CDKAL1: variants seen among roughly 807,000 people sequenced by gnomAD.
CDKAL1 encodes the protein CDKAL1 threonylcarbamoyladenosine tRNA methylthiotransferase, also known as threonylcarbamoyladenosine tRNA methylthiotransferase.
Under a neutral mutation model 68.2 loss-of-function variants are expected in CDKAL1, and 32 were observed. The observed-to-expected ratio is 0.47, with a 90% CI of 0.35 to 0.63. The LOEUF (loss-of-function observed/expected upper bound fraction) is 0.63, where lower values mean the gene tolerates loss of function less well. Among genes scored for constraint, CDKAL1 ranks in the 30% least tolerant of loss-of-function variants. The probability of loss-of-function intolerance (pLI) is 0.00; values close to 1 mark genes in which losing one functional copy is unlikely to be tolerated. For synonymous variants in CDKAL1, 234 were observed against 244.3 expected, an observed-to-expected ratio of 0.96 and a Z score of 0.39; for missense variants, 606 against 696.7, an observed-to-expected ratio of 0.87 and a Z score of 1.47.
At chr6:21,211,998 C>T (rs571787402) in intron 15 of CDKAL1, among the ~76,000 whole-genome samples, 5 of 152,070 alleles carry the variant, frequency 3.3e-5, no homozygotes, top group Non-Finnish European at 7.4e-5. Context: ...TGGGCTCAAG[C>T]AATGCTCCAG....
intron 5 of CDKAL1, among the ~76,000 whole-genome samples, chr6:20,670,494 C>A (rs138018555): frequency 2.0e-5 from 3 of 152,128 alleles, no homozygotes; most frequent in African/African-American, 7.2e-5. Context: ...TGAGCCCACC[C>A]GTCTCCCATT....
In CDKAL1 at chr6:20,700,355, CAAAAA is replaced by C. The variant is rs111802988; in HGVS notation, c.372-39151_372-39147del. 3.0e-3 allele frequency among the ~76,000 whole-genome samples: 387 copies of C among 130,044 alleles called. 3 individuals carry two copies. The highest frequency in any genetic ancestry group is 9.0e-3 in the African/African-American group (326 of 36,370). 85.3% of individuals were successfully genotyped at this position (130,044 alleles called of 152,430 possible). Reference sequence around the variant, plus strand: ...GGGCAACAAGAGTGAAACTCCATCTCAAAAAAAAAAAAAAAAATAAATAAAAGTTA... The same window carrying C: ...GGGCAACAAGAGTGAAACTCCATCTCAAAAAAAAAAAATAAATAAAAGTTA... On this transcript the variant is annotated intron_variant, in intron 5 of 15. Transcript: ENST00000274695.
chr6:20,860,660 C>A (rs1488339108), intron 9 of CDKAL1, among the ~76,000 whole-genome samples: 5 of 151,840 alleles, frequency 3.3e-5, no homozygotes, highest in African/African-American at 7.3e-5. Flanking sequence ...CCCTTCCCTA[C>A]TAAAAATACA....
intron 6 of CDKAL1, among the ~76,000 whole-genome samples, chr6:20,752,448 A>G (rs1017999184): frequency 7.2e-5 from 11 of 152,158 alleles, no homozygotes; most frequent in Non-Finnish European, 1.6e-4. Context: ...CAGGGTCTCC[A>G]TCTTCATCAG....
At chr6:21,175,733 G>A (rs913483106) in intron 13 of CDKAL1, among the ~76,000 whole-genome samples, 1 of 152,142 alleles carries the variant, frequency 6.6e-6, no homozygotes, top group Non-Finnish European at 1.5e-5. Flanking sequence ...TGACTTGAAA[G>A]GTGTTGTTTG....
At chr6:21,149,854 C>CATTT (rs1190145822) in intron 13 of CDKAL1, among the ~76,000 whole-genome samples, 9 of 152,084 alleles carry the variant, frequency 5.9e-5, no homozygotes, top group Middle Eastern at 6.8e-3. Context: ...ATGTCCCGAA[C>CATTT]ATTTATTTAT....
intron 7 of CDKAL1, among the ~76,000 whole-genome samples, chr6:20,765,145 CTTTTTTT>C (rs573930548): frequency 3.5e-5 from 1 of 28,898 alleles, no homozygotes. Flanking sequence ...TGGTTACATT[CTTTTTTT>C]TTTTTTTTTT....
chr6:20,888,387 T>C, intron 9 of CDKAL1, among the ~76,000 whole-genome samples: 1 of 148,330 alleles, frequency 6.7e-6, no homozygotes. Context: ...ATTATTATTA[T>C]ACTTTAAGTT....
chr6:20,717,768 T>A (rs1772166008), intron 5 of CDKAL1, among the ~76,000 whole-genome samples: 1 of 152,222 alleles, frequency 6.6e-6, no homozygotes, highest in Non-Finnish European at 1.5e-5. Context: ...CTGGGCCACA[T>A]AGGGCATAAG....
At chr6:21,152,157 C>T (rs1332535327) in intron 13 of CDKAL1, among the ~76,000 whole-genome samples, 3 of 152,150 alleles carry the variant, frequency 2.0e-5, no homozygotes, top group Admixed American at 6.5e-5. Flanking sequence ...TTCTGTCTTT[C>T]GTGTCTCAGA....
At chr6:20,720,321 C>T (rs957091614) in intron 5 of CDKAL1, among the ~76,000 whole-genome samples, 6 of 152,078 alleles carry the variant, frequency 3.9e-5, no homozygotes, top group African/African-American at 1.5e-4. Flanking sequence ...AATTTAGTTA[C>T]ATGTGTGTAA....
chr6:21,047,648 C>T (rs1261028346), intron 11 of CDKAL1, among the ~76,000 whole-genome samples: 1 of 152,096 alleles, frequency 6.6e-6, no homozygotes, highest in Non-Finnish European at 1.5e-5. Context: ...TGAATATGAC[C>T]CCATCCTTGT....
chr6:21,215,644 C>A lies in CDKAL1; in HGVS notation c.1548+14370C>A, dbSNP rs139516677. Among the ~76,000 whole-genome samples, 14 of 152,208 alleles carry A rather than the reference C, an allele frequency of 9.2e-5. 1 individual carries two copies. In the East Asian group the frequency reaches 2.7e-3, roughly 29 times the overall value. ...GGATCTGGTAAAAAGAATCTGAAAT[C>A]TAAACGTTAATGGAAGCTAAGGGAC... On this transcript the variant is annotated intron_variant, in intron 15 of 15. Transcript: ENST00000274695.
intron 5 of CDKAL1, among the ~76,000 whole-genome samples, chr6:20,713,316 A>G (rs1771935251): frequency 6.6e-6 from 1 of 152,172 alleles, no homozygotes; most frequent in Non-Finnish European, 1.5e-5. Context: ...GTGAGTTTGC[A>G]TGTTTTGCTC....
chr6:21,229,533 G>A (rs527687150), intron 15 of CDKAL1, among the ~76,000 whole-genome samples: 2 of 152,288 alleles, frequency 1.3e-5, no homozygotes, highest in East Asian at 3.9e-4. Context: ...AGCCAAAGAG[G>A]TACCAGGAGG....
intron 7 of CDKAL1, among the ~76,000 whole-genome samples, chr6:20,766,577 T>G (rs1039306225): frequency 1.3e-5 from 2 of 152,212 alleles, no homozygotes; most frequent in Non-Finnish European, 2.9e-5. Flanking sequence ...TTAACTCTTG[T>G]GAATCCTGGT....
intron 11 of CDKAL1, among the ~76,000 whole-genome samples, chr6:21,047,229 A>G (rs1770289728): frequency 3.3e-5 from 5 of 152,076 alleles, no homozygotes; most frequent in Admixed American, 2.0e-4. Flanking sequence ...AGAAAGTGGA[A>G]ATTCAAAGGG....
intron 13 of CDKAL1, among the ~76,000 whole-genome samples, chr6:21,124,189 T>C (rs533891161): frequency 1.6e-4 from 25 of 152,360 alleles, no homozygotes; most frequent in African/African-American, 6.0e-4. Flanking sequence ...AAAATACTTA[T>C]CTAAACATAG....
At chr6:21,183,216 G>T (rs1337164803) in intron 13 of CDKAL1, among the ~76,000 whole-genome samples, 2 of 151,076 alleles carry the variant, frequency 1.3e-5, no homozygotes, top group Admixed American at 6.6e-5. Flanking sequence ...CAATATTGGA[G>T]AATTTTCCTG....
Sources: gnomAD v4.1 joint callset for allele counts (sites outside exome capture counted in the v4.1 genomes callset) on GRCh38, gnomAD v4.1.1 for gene constraint, MANE v1.5 for transcripts, NCBI Gene and HGNC (gene_info 2026-07-23, HGNC 2026-07-21) for gene names.